Variants in IQGAP3 observed in about 807,000 individuals in gnomAD.
IQGAP3 encodes ras GTPase-activating-like protein IQGAP3.
In IQGAP3, 165 loss-of-function variants were observed where a neutral mutation model predicts 208.2. That is an observed-to-expected ratio of 0.79 (90% CI 0.70 to 0.90). The LOEUF (loss-of-function observed/expected upper bound fraction) is 0.90, where lower values mean the gene tolerates loss of function less well. Ranked by LOEUF, IQGAP3 falls within the 40% of genes least tolerant of loss-of-function variation. The probability of loss-of-function intolerance (pLI) is 0.00; values close to 1 mark genes in which losing one functional copy is unlikely to be tolerated. For synonymous variants in IQGAP3, 703 were observed against 803.6 expected, an observed-to-expected ratio of 0.87 and a Z score of 2.12; for missense variants, 1,811 against 2,043.1, an observed-to-expected ratio of 0.89 and a Z score of 2.19.
chr1:156,537,062 T>A (rs764950084), intron 27 of IQGAP3, 119 bp downstream of exon 27: 3 of 1,103,304 alleles, frequency 2.7e-6, no homozygotes, highest in Non-Finnish European at 3.9e-6. Context: ...TGAGTACCCC[T>A]GGCTCCATCT....
At position 156,566,631 on chromosome 1, in the gene IQGAP3, T is replaced by C. The variant is rs1676411764; in HGVS notation, c.126-85A>G. The C allele has an allele frequency of 3.4e-5, 45 of 1,331,722 alleles. No homozygotes were observed. In the South Asian group the frequency reaches 5.7e-4, roughly 17 times the overall value. 82.5% of individuals were successfully genotyped at this position (1,331,722 alleles called of 1,614,324 possible). A position where few individuals can be genotyped will look rare whatever the true frequency, so the allele number is the denominator to read the frequency against. ...AACAGGAACTTCCCTCTGTCCCTCCTTTTAAGTGGCCCCTGACCCTCCTCT... is the reference window on the plus strand; with the variant it reads ...AACAGGAACTTCCCTCTGTCCCTCCCTTTAAGTGGCCCCTGACCCTCCTCT... On this transcript the variant is annotated intron_variant, in intron 2 of 37. Coordinates refer to ENST00000361170, the MANE Select transcript of IQGAP3 (RefSeq NM_178229.5).
chr1:156,548,176 A>T lies in IQGAP3; in HGVS notation c.2201T>A (p.Val734Asp). ...QQLWKANVGF[V>D]IQLQARLRGF... ...ACGGAGGCGGGCCTGGAGCTGGATA[A>T]CAAAGCCGACGTTGGCTTTCCAGAG... Residue 734 changes from valine to aspartate, a missense_variant, in exon 19 of 38, where the codon GTT (valine) becomes GAT (aspartate). Coordinates refer to ENST00000361170, the MANE Select transcript of IQGAP3 (RefSeq NM_178229.5). 1.2e-6 allele frequency: 2 copies of T among 1,614,132 alleles called. No individual in the cohort carries two copies. Among genetic ancestry groups the T allele is most frequent in the East Asian group, 2.2e-5 (1 of 44,870 alleles).
At chr1:156,565,993 A>G in intron 4 of IQGAP3, 34 bp downstream of exon 4, 1 of 1,530,444 alleles carries the variant, frequency 6.5e-7, no homozygotes, top group Non-Finnish European at 9.1e-7. Context: ...GGTAAGGAGT[A>G]AAGATGAATA....
At chr1:156,529,213 A>T in intron 34 of IQGAP3, 131 bp from the exon 35 acceptor site, 2 of 983,340 alleles carry the variant, frequency 2.0e-6, no homozygotes, top group Non-Finnish European at 3.1e-6. Flanking sequence ...GTTTTCCTAG[A>T]AGGAAAATCT....
intron 32 of IQGAP3, among the ~76,000 whole-genome samples, chr1:156,532,072 C>A (rs898924443): frequency 6.6e-6 from 1 of 152,164 alleles, no homozygotes; most frequent in Non-Finnish European, 1.5e-5. Context: ...TGCCCATCTC[C>A]TGACCATCAC....
chr1:156,537,866 G>A (rs1020763866), intron 26 of IQGAP3, among the ~76,000 whole-genome samples: 2 of 151,924 alleles, frequency 1.3e-5, no homozygotes, highest in African/African-American at 4.8e-5. Context: ...CCTATCAATA[G>A]GAGTCCATAT....
At chr1:156,540,215 C>T (rs1176047717) in intron 23 of IQGAP3, among the ~76,000 whole-genome samples, 1 of 152,142 alleles carries the variant, frequency 6.6e-6, no homozygotes, top group Non-Finnish European at 1.5e-5. Flanking sequence ...CCAAAGAGAA[C>T]TGGTTTGCCA....
At chr1:156,545,694 T>C (rs1306742214) in intron 19 of IQGAP3, among the ~76,000 whole-genome samples, 1 of 152,132 alleles carries the variant, frequency 6.6e-6, no homozygotes, top group African/African-American at 2.4e-5. Flanking sequence ...AGATGGGGTC[T>C]TACTATATTG....
intron 29 of IQGAP3, among the ~76,000 whole-genome samples, 175 bp from the exon 30 acceptor site, chr1:156,534,316 T>C (rs1674576587): frequency 1.3e-5 from 2 of 152,094 alleles, no homozygotes; most frequent in East Asian, 3.9e-4. Context: ...CTCAAGACAA[T>C]CTCTCTTAAT....
At chr1:156,543,687 C>G (rs12743149) in intron 22 of IQGAP3, among the ~76,000 whole-genome samples, 7 of 152,176 alleles carry the variant, frequency 4.6e-5, no homozygotes, top group African/African-American at 1.7e-4. Context: ...AGGTTGAACC[C>G]TAAGAAAAGA....
intron 32 of IQGAP3, 61 bp downstream of exon 32, chr1:156,532,919 T>C: frequency 6.3e-7 from 1 of 1,599,482 alleles, no homozygotes; most frequent in East Asian, 2.2e-5. Context: ...AATAAGGCCA[T>C]TTTACTGGCC....
At chr1:156,542,251 A>C (rs947643152) in intron 22 of IQGAP3, among the ~76,000 whole-genome samples, 7 of 152,162 alleles carry the variant, frequency 4.6e-5, no homozygotes, top group Non-Finnish European at 1.5e-5. Context: ...ATTCAGTGGC[A>C]TGATCTCAGC....
intron 36 of IQGAP3, among the ~76,000 whole-genome samples, chr1:156,528,274 C>A (rs905837492): frequency 6.6e-6 from 1 of 152,204 alleles, no homozygotes; most frequent in Non-Finnish European, 1.5e-5. Context: ...CAGCTGTTCT[C>A]ACCTCTGGAA....
rs1171547 is a variant in IQGAP3, at chr1:156,563,185, T to C, written c.747A>G (p.Gln249=). The change falls in exon 8 of 38, where the codon CAA becomes CAG. Residue 249 remains glutamine, a synonymous_variant. Transcript: ENST00000361170. ...CCATCTTGGCCTGGGCCAGCATCTC[T>C]TGGTAGACGGCTGCCAGAGGCTCTC... The part of the protein sequence containing the change: ...NLREPLAAVY[Q]EMLAQAKMEK... The C allele has an allele frequency of 0.99, 1,601,422 of 1,612,774 alleles. 795,765 individuals carry two copies. Among genetic ancestry groups the C allele is most frequent in the East Asian group, 1 (44,826 of 44,826 alleles).
At chr1:156,527,870 G>C in intron 37 of IQGAP3, 82 bp downstream of exon 37, 1 of 907,790 alleles carries the variant, frequency 1.1e-6, no homozygotes, top group Non-Finnish European at 1.8e-6. Context: ...TGAGGACTAG[G>C]AAAGTGAGGC....
In IQGAP3 at chr1:156,526,073, C is replaced by T; in HGVS notation, c.*413G>A. On this transcript the variant is annotated 3_prime_UTR_variant, in exon 38 of 38. Transcript: ENST00000361170. The stretch of plus-strand genomic sequence containing the variant: ...TGCAGTGGGAGGTAGGGATGGGGAG[C>T]CTGGCCCTGGCTTTGTGGGAGTGCA... 1 of 191,530 alleles carries T rather than the reference C, an allele frequency of 5.2e-6. No homozygotes were observed. Among genetic ancestry groups the T allele is most frequent in the Non-Finnish European group, 1.1e-5 (1 of 90,518 alleles). The allele number at this position is 191,530 out of a possible 1,614,324, so 11.9% of individuals were successfully genotyped here. A position where few individuals can be genotyped will look rare whatever the true frequency, so the allele number is the denominator to read the frequency against.
At chr1:156,570,663 C>T (rs969002993) in intron 1 of IQGAP3, among the ~76,000 whole-genome samples, 2 of 152,190 alleles carry the variant, frequency 1.3e-5, no homozygotes, top group Admixed American at 6.5e-5. Context: ...GTGCGCACCA[C>T]CATGTCTGGC....
intron 12 of IQGAP3, among the ~76,000 whole-genome samples, chr1:156,555,391 A>C (rs1490292932): frequency 1.3e-5 from 2 of 152,014 alleles, no homozygotes; most frequent in African/African-American, 4.8e-5. Context: ...ACACCTGGCT[A>C]ATTTTTGTAT....
intron 3 of IQGAP3, 73 bp from the exon 4 acceptor site, chr1:156,566,177 G>A: frequency 7.0e-7 from 1 of 1,420,442 alleles, no homozygotes; most frequent in Non-Finnish European, 9.9e-7. Context: ...CCAGACTACA[G>A]CTTAAAGATT....
Sources: allele counts gnomAD v4.1 joint callset (sites outside exome capture counted in the v4.1 genomes callset), GRCh38; gene constraint gnomAD v4.1.1; transcripts MANE v1.5; gene names NCBI Gene and HGNC (gene_info 2026-07-23, HGNC 2026-07-21).